Variants in ADGRB1 observed in about 807,000 individuals in gnomAD.
The protein encoded by ADGRB1 is brain-specific angiogenesis inhibitor 1.
ADGRB1 carries 36 observed loss-of-function variants against 175.7 expected under a neutral mutation model. The ratio of observed to expected loss-of-function variants is 0.20; its 90% CI spans 0.16 to 0.27. ADGRB1 has a LOEUF of 0.27. Among genes scored for constraint, ADGRB1 ranks in the 10% least tolerant of loss-of-function variants. ADGRB1 has a pLI of 1.00. For synonymous variants in ADGRB1, 1,054 were observed against 979.4 expected (o/e 1.08, Z -1.42); for missense variants, 1,731 against 2,255.3 (o/e 0.77, Z 4.71).
At chr8:142,469,623 G>A (rs1435051844) in intron 2 of ADGRB1, among the ~76,000 whole-genome samples, 2 of 91,888 alleles carry the variant, frequency 2.2e-5, no homozygotes, top group Non-Finnish European at 4.4e-5. Context: ...GTGTATGCAC[G>A]TGCATGTGTG....
intron 20 of ADGRB1, among the ~76,000 whole-genome samples, chr8:142,521,703 C>T (rs1054142382): frequency 1.3e-5 from 2 of 152,234 alleles, no homozygotes; most frequent in African/African-American, 2.4e-5. Context: ...AGGCCCCTGG[C>T]TTAGCATTTG....
In ADGRB1 at chr8:142,510,910, C is replaced by T. The variant is rs1843065669; in HGVS notation, c.2676-22C>T. The stretch of plus-strand genomic sequence containing the variant: ...CCGCTGACGCTCCGCCTGTCTCCCT[C>T]CCGTGTCCCGCCCGCCCCCAGACCC... On this transcript the variant is annotated intron_variant, in intron 17 of 30. Transcript: ENST00000517894. The surrounding 1 kb of genome is among the most constrained non-coding windows in gnomAD (Gnocchi z 6.3). 6.9e-6 allele frequency: 7 copies of T among 1,009,654 alleles called. No individual in the cohort carries two copies. The highest frequency in any genetic ancestry group is 5.4e-5 in the Admixed American group (1 of 18,526). The allele number at this position is 1,009,654 out of a possible 1,614,324, so 62.5% of individuals were successfully genotyped here.
At chr8:142,509,618 C>T (rs1842981572) in intron 17 of ADGRB1, among the ~76,000 whole-genome samples, 1 of 152,218 alleles carries the variant, frequency 6.6e-6, no homozygotes, top group Admixed American at 6.5e-5. Context: ...GCACTCGTTC[C>T]TGGGTGGGGA....
At chr8:142,507,702 T>C (rs1842912399) in intron 17 of ADGRB1, among the ~76,000 whole-genome samples, 1 of 152,222 alleles carries the variant, frequency 6.6e-6, no homozygotes, top group South Asian at 2.1e-4. Context: ...CCCGGCTCCC[T>C]GCACCCTCGA....
Position 142,475,589 on chromosome 8 carries a change from G to A in ADGRB1, c.900G>A (p.Glu300=), listed in dbSNP as rs775892684. 3.4e-5 allele frequency: 43 copies of A among 1,250,052 alleles called. No homozygotes were observed. Among genetic ancestry groups the A allele is most frequent in the Non-Finnish European group, 4.3e-5 (43 of 997,582 alleles). The allele number at this position is 1,250,052 out of a possible 1,614,324, so 77.4% of individuals were successfully genotyped here. A position where few individuals can be genotyped will look rare whatever the true frequency, so the allele number is the denominator to read the frequency against. The change falls in exon 3 of 31, where the codon GAG becomes GAA. Residue 300 remains glutamate (E), a synonymous_variant. Coordinates refer to ENST00000517894, the MANE Select transcript of ADGRB1 (RefSeq NM_001702.3). ...CGGGCGTGGAGGGCGGCGGCTGCGA[G>A]GGGGTGCTGGAGGAGGGTCGCCAGT... The part of the protein sequence containing the change: ...PAPGVEGGGC[E]GVLEEGRQCN...
intron 13 of ADGRB1, 121 bp from the exon 14 acceptor site, chr8:142,488,242 TG>T: frequency 7.2e-7 from 1 of 1,386,588 alleles, no homozygotes; most frequent in Non-Finnish European, 9.9e-7. Context: ...CTCTGAGCCA[TG>T]GGCACCCCGC....
Position 142,542,318 on chromosome 8 carries a change from G to C in ADGRB1, c.4084G>C (p.Glu1362Gln). 6.2e-7 allele frequency: 1 copy of C among 1,612,834 alleles called. No individual in the cohort carries two copies. Among genetic ancestry groups the C allele is most frequent in the African/African-American group, 1.3e-5 (1 of 75,030 alleles). Residue 1362 changes from glutamate (E) to glutamine (Q), a missense_variant, in exon 28 of 31, where the codon GAG becomes CAG. Glu to Gln is a conservative substitution (Grantham distance 29, BLOSUM62 2). This residue lies in a region of ADGRB1 where 394 missense variants were observed against 410.2 expected (regional missense o/e 0.96). Coordinates refer to ENST00000517894, the MANE Select transcript of ADGRB1 (RefSeq NM_001702.3). The surrounding 1 kb of genome is among the most constrained non-coding windows in gnomAD (Gnocchi z 6.3). ...TATLRPKPKEEPKYSIHIDQM... is the reference protein window; with the variant it reads ...TATLRPKPKEQPKYSIHIDQM... The stretch of plus-strand genomic sequence containing the variant: ...CACGCTGCGGCCCAAGCCCAAGGAG[G>C]AGCCCAAGTACAGCATCCACATTGA...
intron 24 of ADGRB1, among the ~76,000 whole-genome samples, chr8:142,528,457 T>C (rs999528040): frequency 5.3e-5 from 8 of 152,180 alleles, no homozygotes; most frequent in Admixed American, 3.9e-4. Context: ...CCTGAGGGGC[T>C]GGTTTTGCAC....
At chr8:142,519,964 G>C (rs1420093434) in intron 19 of ADGRB1, among the ~76,000 whole-genome samples, 1 of 122,772 alleles carries the variant, frequency 8.1e-6, no homozygotes, top group African/African-American at 3.0e-5. Flanking sequence ...TGGTGGTGGT[G>C]GTAGTGGTTG....
intron 13 of ADGRB1, 67 bp from the exon 14 acceptor site, chr8:142,488,297 C>T: frequency 6.3e-7 from 1 of 1,583,788 alleles, no homozygotes. Flanking sequence ...ACTCCCGCAG[C>T]TGAGGCCCCG....
At chr8:142,505,219 C>T (rs572759183) in intron 17 of ADGRB1, among the ~76,000 whole-genome samples, 70 of 152,282 alleles carry the variant, frequency 4.6e-4, no homozygotes, top group African/African-American at 5.8e-4. Flanking sequence ...AGCTGAGCTC[C>T]GAGGGTGAGA....
At chr8:142,539,154 A>G (rs1845113609) in intron 26 of ADGRB1, among the ~76,000 whole-genome samples, 1 of 152,152 alleles carries the variant, frequency 6.6e-6, no homozygotes, top group Non-Finnish European at 1.5e-5. Context: ...ACACGCACGC[A>G]TACACTCACA....
At chr8:142,463,074 A>G (rs1251383214) in intron 1 of ADGRB1, among the ~76,000 whole-genome samples, 1 of 152,206 alleles carries the variant, frequency 6.6e-6, no homozygotes, top group Admixed American at 6.5e-5. Flanking sequence ...TGTGACGGGT[A>G]AATTATGGAT....
chr8:142,536,945 G>C, intron 25 of ADGRB1, 42 bp from the exon 26 acceptor site: 1 of 1,512,922 alleles, frequency 6.6e-7, no homozygotes, highest in Non-Finnish European at 8.9e-7. Context: ...GCGCAGGGTG[G>C]GGGCGTGGCT....
Position 142,484,534 on chromosome 8 carries a change from C to T in ADGRB1, c.2200-122C>T, listed in dbSNP as rs111554994. 5.9e-5 allele frequency: 61 copies of T among 1,035,626 alleles called. No homozygotes were observed. In the African/African-American group the frequency reaches 7.4e-4, roughly 13 times the overall value. The allele number at this position is 1,035,626 out of a possible 1,614,324, so 64.2% of individuals were successfully genotyped here. A position where few individuals can be genotyped will look rare whatever the true frequency, so the allele number is the denominator to read the frequency against. ...AGTGGGGTACTCAGAGGTCACCAGC[C>T]CCACTTCCTCAAAATGTTAGGAAAT... On this transcript the variant is annotated intron_variant, in intron 12 of 30. Transcript: ENST00000517894.
chr8:142,514,675 A>G (rs1418725082), intron 18 of ADGRB1, among the ~76,000 whole-genome samples: 2 of 152,134 alleles, frequency 1.3e-5, no homozygotes, highest in East Asian at 1.9e-4. Context: ...GGGTGTGATC[A>G]TGGTCAGGGT....
intron 17 of ADGRB1, among the ~76,000 whole-genome samples, chr8:142,498,555 C>A (rs1046979532): frequency 3.3e-5 from 5 of 152,062 alleles, no homozygotes; most frequent in African/African-American, 1.2e-4. Flanking sequence ...TCTGGCCACA[C>A]TGGCTGTGCG....
intron 1 of ADGRB1, among the ~76,000 whole-genome samples, chr8:142,463,086 C>T (rs1388573428): frequency 1.3e-5 from 2 of 152,238 alleles, no homozygotes; most frequent in African/African-American, 2.4e-5. Context: ...ATTATGGATT[C>T]TCTCTGTGTC....
rs1387257597 is a variant in ADGRB1 at position 142,522,129 on chromosome 8, T to G, written c.3175+14T>G. On this transcript the variant is annotated intron_variant, in intron 21 of 30. Coordinates refer to ENST00000517894, the MANE Select transcript of ADGRB1 (RefSeq NM_001702.3). Reference sequence around the variant, plus strand: ...GCCTGGGCTGGGGTGAGCCGCGGCCTTCCCGACCCTCCTGGACAGATACCC... The same window carrying G: ...GCCTGGGCTGGGGTGAGCCGCGGCCGTCCCGACCCTCCTGGACAGATACCC... The G allele has an allele frequency of 3.1e-6, 5 of 1,605,210 alleles. No homozygotes were observed. The East Asian group carries it at 1.1e-4, about 36-fold the overall frequency.
Sources: gnomAD v4.1 joint callset for allele counts (sites outside exome capture counted in the v4.1 genomes callset) on GRCh38, gnomAD v4.1.1 for gene constraint, gnomAD v4.1.1 regional missense constraint, Gnocchi (gnomAD v3.1) non-coding constraint, MANE v1.5 for transcripts, NCBI Gene and HGNC (gene_info 2026-07-23, HGNC 2026-07-21) for gene names.